Variants in RAD21 observed in about 807,000 individuals in gnomAD.
The protein encoded by RAD21 is double-strand-break repair protein rad21 homolog.
In RAD21, 18 loss-of-function variants were observed where a neutral mutation model predicts 71.5. The ratio of observed to expected loss-of-function variants is 0.25; its 90% CI spans 0.17 to 0.37. RAD21 has a LOEUF of 0.37. Ranked by LOEUF, RAD21 falls within the 10% of genes least tolerant of loss-of-function variation. The probability of loss-of-function intolerance (pLI) is 1.00; values close to 1 mark genes in which losing one functional copy is unlikely to be tolerated. For synonymous variants in RAD21, 248 were observed against 254.0 expected, an observed-to-expected ratio of 0.98 and a Z score of 0.22; for missense variants, 493 against 769.1, an observed-to-expected ratio of 0.64 and a Z score of 4.25.
chr8:116,856,079 C>A (rs1812457368), intron 8 of RAD21, 87 bp downstream of exon 8: 1 of 1,436,424 alleles, frequency 7.0e-7, no homozygotes, highest in African/African-American at 1.5e-5. Context: ...TTATCTAATA[C>A]AACAGTAGCA....
intron 1 of RAD21, among the ~76,000 whole-genome samples, chr8:116,870,722 A>C (rs1376449599): frequency 6.6e-6 from 1 of 152,224 alleles, no homozygotes; most frequent in East Asian, 1.9e-4. Context: ...ACTGTATCCT[A>C]AACAAAAAAC....
chr8:116,850,843 T>C (rs1812334926), intron 11 of RAD21, 76 bp from the exon 12 acceptor site: 2 of 1,038,616 alleles, frequency 1.9e-6, no homozygotes, highest in Middle Eastern at 2.7e-4. Flanking sequence ...AAATACACAG[T>C]GGCTGAAGTT....
intron 9 of RAD21, among the ~76,000 whole-genome samples, chr8:116,853,911 CAT>C (rs1313335839): frequency 1.3e-5 from 2 of 152,206 alleles, no homozygotes; most frequent in Non-Finnish European, 2.9e-5. Flanking sequence ...GAGAACCACT[CAT>C]GTTTCATTCA....
intron 8 of RAD21, 121 bp from the exon 9 acceptor site, chr8:116,854,589 T>C: frequency 2.7e-6 from 2 of 753,196 alleles, no homozygotes; most frequent in Non-Finnish European, 4.4e-6. Context: ...GCAGAGAAGT[T>C]AAACTTCATG....
intron 1 of RAD21, among the ~76,000 whole-genome samples, chr8:116,868,525 C>A (rs1812744079): frequency 6.6e-6 from 1 of 152,048 alleles, no homozygotes; most frequent in African/African-American, 2.4e-5. Context: ...AATGTGACTG[C>A]TGACAAGTAT....
At chr8:116,868,501 G>C (rs1485669564) in intron 1 of RAD21, among the ~76,000 whole-genome samples, 1 of 152,024 alleles carries the variant, frequency 6.6e-6, no homozygotes, top group Non-Finnish European at 1.5e-5. Context: ...CATTTCTCTA[G>C]GACAACTGTC....
At chr8:116,867,578 C>A (rs1812722018) in intron 1 of RAD21, among the ~76,000 whole-genome samples, 1 of 152,108 alleles carries the variant, frequency 6.6e-6, no homozygotes, top group South Asian at 2.1e-4. Context: ...CATTTAATTC[C>A]CCTCTTTCAC....
intron 1 of RAD21, among the ~76,000 whole-genome samples, chr8:116,872,247 C>T (rs1263152146): frequency 6.6e-6 from 1 of 152,052 alleles, no homozygotes; most frequent in Admixed American, 6.6e-5. Context: ...CTTGAGCATT[C>T]GTGGTTTTGG....
chr8:116,856,152 G>A lies in RAD21; in HGVS notation c.937+14C>T. 6.2e-7 allele frequency: 1 copy of A among 1,606,640 alleles called. No homozygotes were observed. The highest frequency in any genetic ancestry group is 1.3e-5 in the African/African-American group (1 of 74,218). On this transcript the variant is annotated intron_variant, in intron 8 of 13. Coordinates refer to ENST00000297338, the MANE Select transcript of RAD21 (RefSeq NM_006265.3). ...TGTTGTATGCTGTATAAATCTAAAG[G>A]TTCATATGCTTACCAGTTATATCAA... is the stretch of plus-strand genomic sequence containing the variant.
intron 6 of RAD21, 107 bp from the exon 7 acceptor site, chr8:116,856,878 G>A (rs933413560): frequency 4.0e-5 from 31 of 781,446 alleles, no homozygotes; most frequent in African/African-American, 5.4e-5. Context: ...AAATTTAAAC[G>A]TATACTCAAC....
At chr8:116,856,321 A>C (rs1812464945) in intron 7 of RAD21, 33 bp from the exon 8 acceptor site, 5 of 1,459,794 alleles carry the variant, frequency 3.4e-6, no homozygotes, top group Non-Finnish European at 4.5e-6. Context: ...AAAAAGTCAC[A>C]AAAAGCTTTG....
chr8:116,866,477 T>G, intron 2 of RAD21, 109 bp downstream of exon 2: 1 of 933,706 alleles, frequency 1.1e-6, no homozygotes, highest in South Asian at 2.3e-5. Flanking sequence ...TTTCTAAGGA[T>G]TTTCCTTGCA....
In RAD21 at chr8:116,863,685, T is replaced by G. The variant is rs58684126; in HGVS notation, c.145-426A>C. On this transcript the variant is annotated intron_variant, in intron 2 of 13. Transcript: ENST00000297338. ...AGCCAATTGAGTAATAGGTGAAGTA[T>G]GCCAGAGAGTTTCTGAGAAAGATTT... Among the ~76,000 whole-genome samples the G allele has an allele frequency of 6.6e-3, 999 of 152,224 alleles. 10 individuals carry two copies. Among genetic ancestry groups the G allele is most frequent in the African/African-American group, 0.023 (963 of 41,552 alleles).
At chr8:116,870,900 T>C (rs1014983302) in intron 1 of RAD21, among the ~76,000 whole-genome samples, 3 of 152,200 alleles carry the variant, frequency 2.0e-5, no homozygotes, top group African/African-American at 7.2e-5. Context: ...CAGGTGTCAG[T>C]AGCTCCTGGC....
chr8:116,860,203 CAAAG>C (rs770905302), intron 4 of RAD21, among the ~76,000 whole-genome samples: 2 of 152,060 alleles, frequency 1.3e-5, no homozygotes, highest in Non-Finnish European at 1.5e-5. Context: ...TATGGATGAG[CAAAG>C]AAAGTGGTTT....
At position 116,854,213 on chromosome 8, in the gene RAD21, A is replaced by G. The variant is rs780794833; in HGVS notation, c.1161+32T>C. ...TTTTTTTTTTAGATGCTCAAAATGT[A>G]TATGAAGTAAAAATTCTGCAAACTA... On this transcript the variant is annotated intron_variant, in intron 9 of 13. Coordinates refer to ENST00000297338, the MANE Select transcript of RAD21 (RefSeq NM_006265.3). 1.9e-5 allele frequency: 29 copies of G among 1,489,570 alleles called. No homozygotes were observed. In the East Asian group the frequency reaches 5.9e-4, roughly 30 times the overall value. The allele number at this position is 1,489,570 out of a possible 1,614,324, so 92.3% of individuals were successfully genotyped here.
intron 13 of RAD21, 46 bp from the exon 14 acceptor site, chr8:116,847,737 A>G (rs1002373359): frequency 8.0e-6 from 12 of 1,495,152 alleles, no homozygotes; most frequent in Non-Finnish European, 1.1e-5. Flanking sequence ...ATAATAAAGT[A>G]GTAATTCAGT....
At chr8:116,873,099 T>TTG (rs1289328184) in intron 1 of RAD21, among the ~76,000 whole-genome samples, 1 of 152,228 alleles carries the variant, frequency 6.6e-6, no homozygotes, top group Non-Finnish European at 1.5e-5. Context: ...AACCAGCCAG[T>TTG]ATAATCATGC....
In RAD21 at chr8:116,854,541, C is replaced by A. The variant is rs10101469; in HGVS notation, c.938-73G>T. ...GGAACACACAGCTACAAGATCTGGACTGACTATATTCCCCTGCTTTTCTAC... is the reference window on the plus strand; with the variant it reads ...GGAACACACAGCTACAAGATCTGGAATGACTATATTCCCCTGCTTTTCTAC... On this transcript the variant is annotated intron_variant, in intron 8 of 13. Coordinates refer to ENST00000297338, the MANE Select transcript of RAD21 (RefSeq NM_006265.3). The A allele has an allele frequency of 5.8e-4, 642 of 1,115,130 alleles. 3 individuals carry two copies. The African/African-American group carries it at 9.2e-3, about 16-fold the overall frequency. 69.1% of individuals were successfully genotyped at this position (1,115,130 alleles called of 1,614,324 possible). A position where few individuals can be genotyped will look rare whatever the true frequency, so the allele number is the denominator to read the frequency against.
Sources: allele counts gnomAD v4.1 joint callset (sites outside exome capture counted in the v4.1 genomes callset), GRCh38; gene constraint gnomAD v4.1.1; transcripts MANE v1.5; gene names NCBI Gene and HGNC (gene_info 2026-07-23, HGNC 2026-07-21).